STIM1: variants seen among roughly 807,000 people sequenced by gnomAD.
STIM1 encodes stromal interaction molecule 1.
A neutral mutation model predicts 74.7 loss-of-function variants in STIM1; 25 were observed. The observed-to-expected ratio is 0.33, with a 90% CI of 0.24 to 0.47. The LOEUF is 0.47. Ranked by LOEUF, STIM1 falls within the 20% of genes least tolerant of loss-of-function variation. The pLI is 1.00. For missense variants in STIM1, 728 were observed against 920.8 expected (o/e 0.79, Z 2.71); for synonymous variants, 328 against 348.8 (o/e 0.94, Z 0.66).
In STIM1 at chr11:3,881,660, C is replaced by T. The variant is rs189832626; in HGVS notation, c.139+25251C>T. 5.4e-5 allele frequency among the ~76,000 whole-genome samples: 8 copies of T among 148,208 alleles called. No homozygotes were observed. In the East Asian group the frequency reaches 8.2e-4, roughly 15 times the overall value. On this transcript the variant is annotated intron_variant, in intron 1 of 12. Coordinates refer to ENST00000526596, the MANE Select transcript of STIM1 (RefSeq NM_001382567.1). ...TGCTGGGATTACAGGCGTGAGCCAC[C>T]GTGCCCGGCCGATTATTTTATTTTT...
chr11:4,086,324 G>A (rs2094492714), intron 11 of STIM1, 153 bp from the exon 12 acceptor site: 1 of 796,602 alleles, frequency 1.3e-6, no homozygotes. Flanking sequence ...TAGGACCCCT[G>A]GTGGGAGGTT....
rs2093349566 is a variant in STIM1 at position 3,967,408 on chromosome 11, G to A, written c.140-144G>A. 2.5e-6 allele frequency: 3 copies of A among 1,216,356 alleles called. No homozygotes were observed. In the Admixed American group the frequency reaches 5.3e-5, roughly 22 times the overall value. 75.3% of individuals were successfully genotyped at this position (1,216,356 alleles called of 1,614,324 possible). A position where few individuals can be genotyped will look rare whatever the true frequency, so the allele number is the denominator to read the frequency against. ...TTGGGGAGACAGTTACAGTCTAGAT[G>A]AAACACCTCTGTCACTGTACAAGTA... On this transcript the variant is annotated intron_variant, in intron 1 of 12. Coordinates refer to ENST00000526596, the MANE Select transcript of STIM1 (RefSeq NM_001382567.1).
chr11:3,899,973 A>G lies in STIM1; in HGVS notation c.139+43564A>G, dbSNP rs2092305091. Among the ~76,000 whole-genome samples, 4 of 152,084 alleles carry G rather than the reference A, an allele frequency of 2.6e-5. No individual in the cohort carries two copies. In the South Asian group the frequency reaches 8.3e-4, roughly 32 times the overall value. ...TGTTCATCAAGGATATTGGTCTAAAATTCTCTTTTTTGGTTGTGTCTCTGC... is the reference window on the plus strand; with the variant it reads ...TGTTCATCAAGGATATTGGTCTAAAGTTCTCTTTTTTGGTTGTGTCTCTGC... On this transcript the variant is annotated intron_variant, in intron 1 of 12. Transcript: ENST00000526596.
chr11:4,018,158 A>G (rs2093916858), intron 2 of STIM1, among the ~76,000 whole-genome samples: 1 of 151,958 alleles, frequency 6.6e-6, no homozygotes, highest in African/African-American at 2.4e-5. Flanking sequence ...CTATTAAAAA[A>G]TACAAAATTG....
chr11:3,991,944 C>G (rs1341860553), intron 2 of STIM1, among the ~76,000 whole-genome samples: 1 of 105,230 alleles, frequency 9.5e-6, no homozygotes, highest in Non-Finnish European at 1.9e-5. Flanking sequence ...GAGTGAAACT[C>G]CATCTCAAAA....
At chr11:4,066,156 G>A (rs544123338) in intron 5 of STIM1, among the ~76,000 whole-genome samples, 7 of 152,068 alleles carry the variant, frequency 4.6e-5, no homozygotes, top group Non-Finnish European at 1.0e-4. Context: ...CCATCCTCTG[G>A]TTCCCCCAGT....
chr11:3,873,868 G>A (rs2091221231), intron 1 of STIM1, among the ~76,000 whole-genome samples: 1 of 152,122 alleles, frequency 6.6e-6, no homozygotes, highest in African/African-American at 2.4e-5. Context: ...AAAAATTAGG[G>A]CACTTGAGCA....
intron 1 of STIM1, among the ~76,000 whole-genome samples, chr11:3,906,241 A>G (rs2092463857): frequency 6.6e-6 from 1 of 152,202 alleles, no homozygotes; most frequent in Admixed American, 6.5e-5. Flanking sequence ...TTTGAGTTGA[A>G]TAATTTTGAT....
chr11:3,953,670 C>T (rs190156850), intron 1 of STIM1, among the ~76,000 whole-genome samples: 1 of 152,312 alleles, frequency 6.6e-6, no homozygotes, highest in Admixed American at 6.5e-5. Flanking sequence ...TCCAAATCCC[C>T]TTCAATTCTG....
At position 3,886,861 on chromosome 11, in the gene STIM1, G is replaced by A. The variant is rs1343899410; in HGVS notation, c.139+30452G>A. Among the ~76,000 whole-genome samples, 3 of 152,108 alleles carry A rather than the reference G, an allele frequency of 2.0e-5. No homozygotes were observed. In the South Asian group the frequency reaches 6.2e-4, roughly 32 times the overall value. On this transcript the variant is annotated intron_variant, in intron 1 of 12. Transcript: ENST00000526596. Reference sequence around the variant, plus strand: ...TACTAAAATACAAAAAATTAGCCAGGTGTGGTGGCGGGTGCCTGTAATCCT... The same window carrying A: ...TACTAAAATACAAAAAATTAGCCAGATGTGGTGGCGGGTGCCTGTAATCCT...
At chr11:4,022,930 C>T (rs2093969296) in intron 2 of STIM1, among the ~76,000 whole-genome samples, 1 of 152,198 alleles carries the variant, frequency 6.6e-6, no homozygotes, top group African/African-American at 2.4e-5. Context: ...ACTGTTGCCA[C>T]ATTCTATTTG....
At chr11:3,987,325 G>A (rs951081839) in intron 2 of STIM1, among the ~76,000 whole-genome samples, 1 of 152,216 alleles carries the variant, frequency 6.6e-6, no homozygotes, top group African/African-American at 2.4e-5. Flanking sequence ...ACAGTGGTAA[G>A]TGGCAGAAAT....
intron 3 of STIM1, among the ~76,000 whole-genome samples, chr11:4,036,820 C>T (rs2094107021): frequency 6.6e-6 from 1 of 152,060 alleles, no homozygotes; most frequent in South Asian, 2.1e-4. Context: ...GACATAGGCA[C>T]AGGCAAAAGT....
intron 1 of STIM1, among the ~76,000 whole-genome samples, chr11:3,924,951 T>A (rs1469143171): frequency 6.6e-6 from 1 of 152,210 alleles, no homozygotes; most frequent in Admixed American, 6.5e-5. Flanking sequence ...GCAAATACCC[T>A]TAACTGGCAC....
In STIM1 at chr11:3,856,361, G is replaced by C. The variant is rs368091975; in HGVS notation, c.91G>C (p.Ala31Pro). 2.4e-5 allele frequency: 39 copies of C among 1,614,066 alleles called. No homozygotes were observed. Among genetic ancestry groups the C allele is most frequent in the Admixed American group, 1.0e-4 (6 of 60,008 alleles). ...CCTCAGCCATAGTCACAGTGAGAAG[G>C]CGACAGGAACCAGCTCGGGGGCCAA... ...QSLSHSHSEK[A>P]TGTSSGANSE... Residue 31 changes from alanine to proline, a missense_variant, in exon 1 of 13, where the codon GCG (alanine) becomes CCG (proline). This residue lies in a region of STIM1 where 62 missense variants were observed against 55.5 expected (regional missense o/e 1.12). Transcript: ENST00000526596.
intron 1 of STIM1, among the ~76,000 whole-genome samples, chr11:3,963,138 A>G (rs188901046): frequency 5.4e-4 from 82 of 152,320 alleles, no homozygotes; most frequent in Middle Eastern, 6.8e-3. Flanking sequence ...TTGCTACATA[A>G]CTAAGCTTCT....
chr11:3,865,973 A>T (rs192681290), intron 1 of STIM1, among the ~76,000 whole-genome samples: 1 of 152,326 alleles, frequency 6.6e-6, no homozygotes, highest in Non-Finnish European at 1.5e-5. Context: ...ATGCAAGAAA[A>T]ATCCGGAAAT....
At chr11:3,946,909 GTCA>G (rs1466019255) in intron 1 of STIM1, among the ~76,000 whole-genome samples, 1 of 152,180 alleles carries the variant, frequency 6.6e-6, no homozygotes, top group Non-Finnish European at 1.5e-5. Context: ...GTCTCAGGCT[GTCA>G]TCATTAAAAT....
At chr11:3,887,390 G>A (rs1462840253) in intron 1 of STIM1, among the ~76,000 whole-genome samples, 1 of 152,198 alleles carries the variant, frequency 6.6e-6, no homozygotes, top group African/African-American at 2.4e-5. Context: ...CATACATCTA[G>A]AAGTGCTTAA....
Sources: gnomAD v4.1 joint callset for allele counts (sites outside exome capture counted in the v4.1 genomes callset) on GRCh38, gnomAD v4.1.1 for gene constraint, gnomAD v4.1.1 regional missense constraint, MANE v1.5 for transcripts, NCBI Gene and HGNC (gene_info 2026-07-23, HGNC 2026-07-21) for gene names.